Variants in CDH6 observed in about 807,000 individuals in gnomAD.
CDH6 encodes cadherin-6.
A neutral mutation model predicts 78.0 loss-of-function variants in CDH6; 31 were observed. The observed-to-expected ratio is 0.40, with a 90% CI of 0.30 to 0.54. CDH6 has a LOEUF of 0.54. CDH6 is among the 20% of genes least tolerant of loss of function. The pLI, the probability that CDH6 is intolerant of heterozygous loss-of-function variation, is 0.56. For synonymous variants in CDH6, 376 were observed against 368.8 expected, an observed-to-expected ratio of 1.02 and a Z score of -0.23; for missense variants, 724 against 975.9, an observed-to-expected ratio of 0.74 and a Z score of 3.44.
chr5:31,283,717 G>A (rs982111808), intron 2 of CDH6, among the ~76,000 whole-genome samples: 2 of 151,936 alleles, frequency 1.3e-5, no homozygotes, highest in South Asian at 4.2e-4. Context: ...AATATGGGGG[G>A]TCATAAGAGC....
At chr5:31,293,853 C>T (rs1419112091) in intron 2 of CDH6, 109 bp from the exon 3 acceptor site, 13 of 630,640 alleles carry the variant, frequency 2.1e-5, no homozygotes, top group Admixed American at 7.1e-5. Context: ...ACTTGTATTC[C>T]TTAGAAAGAA....
chr5:31,315,838 T>G (rs1738306041), intron 8 of CDH6, among the ~76,000 whole-genome samples: 1 of 152,242 alleles, frequency 6.6e-6, no homozygotes, highest in Non-Finnish European at 1.5e-5. Flanking sequence ...TCCTTTGGTC[T>G]TCTGGTGGTT....
At chr5:31,199,685 G>GTGTGTATATATATAA (rs796740950) in intron 1 of CDH6, among the ~76,000 whole-genome samples, 3 of 79,860 alleles carry the variant, frequency 3.8e-5, no homozygotes, top group African/African-American at 1.4e-4. Context: ...GTGTGTGTGT[G>GTGTGTATATATATAA]TATATATATA....
At chr5:31,241,495 G>C (rs1329535011) in intron 1 of CDH6, among the ~76,000 whole-genome samples, 5 of 152,220 alleles carry the variant, frequency 3.3e-5, no homozygotes, top group African/African-American at 7.2e-5. Flanking sequence ...CTATTAGTTG[G>C]GGTAATGCCA....
At chr5:31,218,596 A>G (rs987077353) in intron 1 of CDH6, among the ~76,000 whole-genome samples, 5 of 152,118 alleles carry the variant, frequency 3.3e-5, no homozygotes, top group African/African-American at 9.7e-5. Flanking sequence ...CCCCACATTC[A>G]GCCCATCAGA....
chr5:31,303,438 C>A (rs1178041743), intron 6 of CDH6, among the ~76,000 whole-genome samples: 2 of 152,096 alleles, frequency 1.3e-5, no homozygotes, highest in Admixed American at 6.5e-5. Context: ...AAATTAAATA[C>A]CATAAATTTC....
At chr5:31,259,844 A>G (rs1010455826) in intron 1 of CDH6, among the ~76,000 whole-genome samples, 2 of 152,288 alleles carry the variant, frequency 1.3e-5, no homozygotes, top group East Asian at 3.9e-4. Flanking sequence ...GAGATGGCAA[A>G]TGGCATTTGA....
At chr5:31,267,280 C>T (rs1189362314) in intron 1 of CDH6, 66 bp from the exon 2 acceptor site, 1 of 525,730 alleles carries the variant, frequency 1.9e-6, no homozygotes, top group East Asian at 2.8e-5. Context: ...TTTTCCCAGC[C>T]TATTTGCTCT....
intron 2 of CDH6, among the ~76,000 whole-genome samples, chr5:31,280,595 A>G (rs994414585): frequency 6.6e-6 from 1 of 152,162 alleles, no homozygotes; most frequent in African/African-American, 2.4e-5. Flanking sequence ...AGAGTATTTC[A>G]GATACGGTGG....
At chr5:31,279,263 G>T (rs1036014172) in intron 2 of CDH6, among the ~76,000 whole-genome samples, 1 of 152,046 alleles carries the variant, frequency 6.6e-6, no homozygotes, top group East Asian at 1.9e-4. Context: ...CTAGAGAAAA[G>T]AATATATTTT....
chr5:31,278,522 G>T (rs763534329), intron 2 of CDH6, among the ~76,000 whole-genome samples: 46 of 152,218 alleles, frequency 3.0e-4, no homozygotes, highest in Admixed American at 5.9e-4. Flanking sequence ...AACAAAATGA[G>T]AAAAAGGCAA....
chr5:31,235,666 C>T (rs1469952803), intron 1 of CDH6, among the ~76,000 whole-genome samples: 1 of 152,086 alleles, frequency 6.6e-6, no homozygotes, highest in African/African-American at 2.4e-5. Context: ...CAATAAAACC[C>T]AAATGAATAA....
chr5:31,302,958 G>GAAAGAAAGAAAGAAGGAAA (rs1561066578), intron 6 of CDH6, among the ~76,000 whole-genome samples: 7 of 106,096 alleles, frequency 6.6e-5, no homozygotes, highest in Admixed American at 1.8e-4. Context: ...AAAGAAAGAA[G>GAAAGAAAGAAAGAAGGAAA]GAAAGAAAAG....
intron 11 of CDH6, chr5:31,318,992 A>G (rs1738403902): frequency 4.7e-6 from 1 of 210,868 alleles, no homozygotes; most frequent in Admixed American, 5.9e-5. Flanking sequence ...ACTTGGGGAA[A>G]GTATTTTAAG....
chr5:31,277,663 G>T (rs1009976573), intron 2 of CDH6, among the ~76,000 whole-genome samples: 3 of 152,024 alleles, frequency 2.0e-5, no homozygotes, highest in African/African-American at 7.2e-5. Context: ...TTCAGATATC[G>T]AATGCAAACT....
Position 31,326,681 on chromosome 5 carries a change from ATTTTTTTTTTTTTT to A in CDH6, c.*3388_*3401del, listed in dbSNP as rs202082546. On this transcript the variant is annotated 3_prime_UTR_variant, in exon 12 of 12. Coordinates refer to ENST00000265071, the MANE Select transcript of CDH6 (RefSeq NM_004932.4). ...AAAGAGTTGTGCAGAAAATCTTAAA[ATTTTTTTTTTTTTT>A]TTTTTTTTTTTTTTGAGACAGAATC... The A allele has an allele frequency of 8.1e-6, 1 of 123,722 alleles. No individual in the cohort carries two copies. The highest frequency in any genetic ancestry group is 3.5e-5 in the African/African-American group (1 of 28,454). 7.7% of individuals were successfully genotyped at this position (123,722 alleles called of 1,614,324 possible). A position where few individuals can be genotyped will look rare whatever the true frequency, so the allele number is the denominator to read the frequency against.
At chr5:31,229,437 C>G (rs1170271602) in intron 1 of CDH6, among the ~76,000 whole-genome samples, 2 of 152,200 alleles carry the variant, frequency 1.3e-5, no homozygotes, top group East Asian at 3.8e-4. Context: ...ACTGGAGGCT[C>G]AGGAAAATAT....
intron 1 of CDH6, among the ~76,000 whole-genome samples, chr5:31,256,555 T>G (rs1018372181): frequency 1.3e-5 from 2 of 152,226 alleles, no homozygotes; most frequent in African/African-American, 4.8e-5. Context: ...CACTAAGCCA[T>G]CTTTCCAACC....
At chr5:31,302,833 A>G (rs1358065692) in intron 6 of CDH6, among the ~76,000 whole-genome samples, 17 of 147,230 alleles carry the variant, frequency 1.2e-4, no homozygotes, top group Non-Finnish European at 1.8e-4. Flanking sequence ...AGAAAGAAAG[A>G]AAGAAAGAAA....
Sources: gnomAD v4.1 joint callset for allele counts (sites outside exome capture counted in the v4.1 genomes callset) on GRCh38, gnomAD v4.1.1 for gene constraint, MANE v1.5 for transcripts, NCBI Gene and HGNC (gene_info 2026-07-23, HGNC 2026-07-21) for gene names.